ZNF385B: variants seen among roughly 807,000 people sequenced by gnomAD.
ZNF385B encodes the protein zinc finger protein 533.
A neutral mutation model predicts 39.2 loss-of-function variants in ZNF385B; 23 were observed. The ratio of observed to expected loss-of-function variants is 0.59; its 90% CI spans 0.42 to 0.83. The LOEUF is 0.83. Ranked by LOEUF, ZNF385B falls within the 40% of genes least tolerant of loss-of-function variation. ZNF385B has a pLI of 0.00. For synonymous variants in ZNF385B, 205 were observed against 222.6 expected (o/e 0.92, Z 0.70); for missense variants, 552 against 598.9 (o/e 0.92, Z 0.82).
At chr2:179,735,997 G>A (rs2106439491) in intron 3 of ZNF385B, among the ~76,000 whole-genome samples, 1 of 150,846 alleles carries the variant, frequency 6.6e-6, no homozygotes, top group East Asian at 1.9e-4. Context: ...CCTGCACAAT[G>A]TGCACATGTA....
chr2:179,752,468 T>C (rs1319944350), intron 3 of ZNF385B, among the ~76,000 whole-genome samples: 1 of 152,226 alleles, frequency 6.6e-6, no homozygotes, highest in African/African-American at 2.4e-5. Flanking sequence ...GATAGCTGGG[T>C]CAAATGGTAT....
chr2:179,819,388 C>A (rs759009345), intron 1 of ZNF385B, among the ~76,000 whole-genome samples: 1 of 152,118 alleles, frequency 6.6e-6, no homozygotes, highest in Non-Finnish European at 1.5e-5. Context: ...GACATCACCT[C>A]CCCCTCTACC....
rs563806141 is a variant in ZNF385B at position 179,509,729 on chromosome 2, T to C, written c.552+8799A>G. On this transcript the variant is annotated intron_variant, in intron 5 of 9. Coordinates refer to ENST00000410066, the MANE Select transcript of ZNF385B (RefSeq NM_152520.6). ...GCTATTGATTCTATTTTCAGTATTA[T>C]ATTTCTTGACAGAATCAGTTGGTTT... Among the ~76,000 whole-genome samples, 24 of 152,370 alleles carry C rather than the reference T, an allele frequency of 1.6e-4. 1 individual carries two copies. The South Asian group carries it at 4.6e-3, about 29-fold the overall frequency.
intron 3 of ZNF385B, among the ~76,000 whole-genome samples, chr2:179,630,168 C>A (rs539363684): frequency 8.1e-4 from 123 of 152,362 alleles, no homozygotes; most frequent in Non-Finnish European, 1.5e-3. Context: ...CAGTGGTTCT[C>A]CAAGCATGGC....
At chr2:179,551,980 A>T in intron 3 of ZNF385B, among the ~76,000 whole-genome samples, 1 of 150,176 alleles carries the variant, frequency 6.7e-6, no homozygotes, top group East Asian at 1.9e-4. Context: ...TTTCACTTTG[A>T]TGGTAAAATA....
chr2:179,453,465 G>T (rs9288032), intron 6 of ZNF385B, among the ~76,000 whole-genome samples: 46,196 of 151,868 alleles, frequency 0.3, 7,381 homozygotes, highest in African/African-American at 0.39. Flanking sequence ...CTAGAGTCAT[G>T]AATTTCTGGT....
intron 6 of ZNF385B, among the ~76,000 whole-genome samples, chr2:179,479,465 G>T (rs941241682): frequency 6.6e-6 from 1 of 152,148 alleles, no homozygotes; most frequent in Admixed American, 6.5e-5. Flanking sequence ...TGCCAAAATA[G>T]CAGGTAAGAG....
At chr2:179,655,214 G>A (rs1268302045) in intron 3 of ZNF385B, among the ~76,000 whole-genome samples, 1 of 152,086 alleles carries the variant, frequency 6.6e-6, no homozygotes, top group Admixed American at 6.6e-5. Flanking sequence ...CTGTTGTCAA[G>A]TCAAGAATTA....
chr2:179,719,833 T>C (rs1700568842), intron 3 of ZNF385B, among the ~76,000 whole-genome samples: 2 of 152,232 alleles, frequency 1.3e-5, no homozygotes, highest in South Asian at 4.1e-4. Flanking sequence ...GGAAGTTTCA[T>C]ACATGAAGGG....
chr2:179,519,073 T>C (rs1423972680), intron 4 of ZNF385B, among the ~76,000 whole-genome samples: 2 of 152,192 alleles, frequency 1.3e-5, no homozygotes, highest in African/African-American at 4.8e-5. Context: ...CTCAACCTCC[T>C]GAGCTCAAGT....
At chr2:179,511,588 G>A (rs1249699681) in intron 5 of ZNF385B, among the ~76,000 whole-genome samples, 1 of 152,162 alleles carries the variant, frequency 6.6e-6, no homozygotes. Context: ...ATTGAGGGAG[G>A]TCATTGAACG....
intron 3 of ZNF385B, among the ~76,000 whole-genome samples, chr2:179,689,782 CATGTGTGTGTGTGT>C (rs1310597615): frequency 1.9e-5 from 2 of 104,760 alleles, no homozygotes; most frequent in African/African-American, 7.4e-5. Flanking sequence ...AGGGCAGGGG[CATGTGTGTGTGTGT>C]GTGTGTGTGT....
chr2:179,707,625 C>T (rs1453814586), intron 3 of ZNF385B, among the ~76,000 whole-genome samples: 3 of 152,186 alleles, frequency 2.0e-5, no homozygotes, highest in Non-Finnish European at 4.4e-5. Flanking sequence ...CAGTGTCTAT[C>T]CTAAGTGCCC....
At chr2:179,757,220 G>C (rs201269169) in intron 3 of ZNF385B, among the ~76,000 whole-genome samples, 177 of 137,386 alleles carry the variant, frequency 1.3e-3, no homozygotes, top group South Asian at 2.8e-3. Flanking sequence ...GAGTTTGCTG[G>C]AGGTCCACTC....
intron 3 of ZNF385B, among the ~76,000 whole-genome samples, chr2:179,723,212 G>T (rs1286680273): frequency 6.6e-6 from 1 of 152,018 alleles, no homozygotes; most frequent in Non-Finnish European, 1.5e-5. Context: ...GTATTCTGGG[G>T]CTATAGCATA....
intron 5 of ZNF385B, among the ~76,000 whole-genome samples, chr2:179,511,760 AATGAAATGGC>A: frequency 6.6e-6 from 1 of 152,202 alleles, no homozygotes; most frequent in East Asian, 1.9e-4. Flanking sequence ...AATGTAAATC[AATGAAATGGC>A]ATGAGGTTGT....
At chr2:179,835,008 T>G (rs1708171539) in intron 1 of ZNF385B, among the ~76,000 whole-genome samples, 1 of 152,166 alleles carries the variant, frequency 6.6e-6, no homozygotes, top group African/African-American at 2.4e-5. Context: ...GCTGGGGGAC[T>G]ACTCTGAATT....
chr2:179,722,633 T>C (rs1300413329), intron 3 of ZNF385B, among the ~76,000 whole-genome samples: 1 of 152,148 alleles, frequency 6.6e-6, no homozygotes, highest in Admixed American at 6.5e-5. Flanking sequence ...TAGATTAATA[T>C]ATTTGGGATC....
intron 3 of ZNF385B, among the ~76,000 whole-genome samples, chr2:179,545,608 A>C (rs1021688068): frequency 6.6e-6 from 1 of 152,088 alleles, no homozygotes; most frequent in East Asian, 1.9e-4. Flanking sequence ...GTGTTGGGGG[A>C]CAGGTAGTAG....
Sources: gnomAD v4.1 joint callset for allele counts (sites outside exome capture counted in the v4.1 genomes callset) on GRCh38, gnomAD v4.1.1 for gene constraint, MANE v1.5 for transcripts, NCBI Gene and HGNC (gene_info 2026-07-23, HGNC 2026-07-21) for gene names.